The following PUS7 variants were observed in gnomAD, a reference collection of about 807,000 sequenced individuals.
PUS7 encodes the protein pseudouridylate synthase 7 homolog.
Under a neutral mutation model 79.8 loss-of-function variants are expected in PUS7, and 48 were observed. The ratio of observed to expected loss-of-function variants is 0.60; its 90% CI spans 0.48 to 0.76. The LOEUF (loss-of-function observed/expected upper bound fraction) is 0.76. PUS7 is among the 30% of genes least tolerant of loss of function. The probability of loss-of-function intolerance (pLI) is 0.00; values close to 1 mark genes in which losing one functional copy is unlikely to be tolerated. For missense variants in PUS7, 729 were observed against 797.6 expected (o/e 0.91, Z 1.04); for synonymous variants, 286 against 272.2 (o/e 1.05, Z -0.50).
At chr7:105,474,921 T>C (rs1824028309) in intron 9 of PUS7, among the ~76,000 whole-genome samples, 1 of 152,254 alleles carries the variant, frequency 6.6e-6, no homozygotes, top group East Asian at 1.9e-4. Flanking sequence ...CCATGGCTGC[T>C]TTTGCAGTGT....
At chr7:105,469,837 C>T (rs1172197178) in intron 11 of PUS7, among the ~76,000 whole-genome samples, 3 of 152,218 alleles carry the variant, frequency 2.0e-5, no homozygotes, top group Non-Finnish European at 4.4e-5. Context: ...AAGTGATCTG[C>T]CCACCTTGGC....
intron 7 of PUS7, among the ~76,000 whole-genome samples, chr7:105,488,392 C>T (rs931826880): frequency 3.3e-5 from 5 of 151,784 alleles, no homozygotes; most frequent in Admixed American, 1.3e-4. Flanking sequence ...GATAATTAGG[C>T]TTTGCTATTA....
intron 5 of PUS7, among the ~76,000 whole-genome samples, chr7:105,501,886 C>T (rs901165383): frequency 4.0e-5 from 6 of 148,802 alleles, no homozygotes; most frequent in African/African-American, 1.2e-4. Context: ...ACCCAGGAGG[C>T]GGAGCTTGCA....
At chr7:105,518,395 CTT>C (rs973571987) in intron 1 of PUS7, among the ~76,000 whole-genome samples, 1 of 151,786 alleles carries the variant, frequency 6.6e-6, no homozygotes, top group Admixed American at 6.6e-5. Flanking sequence ...ACAACAGTCT[CTT>C]GTTTGTTTAT....
chr7:105,507,817 C>G (rs1327947732), intron 2 of PUS7, among the ~76,000 whole-genome samples: 1 of 152,202 alleles, frequency 6.6e-6, no homozygotes, highest in African/African-American at 2.4e-5. Context: ...GCTGGGATAA[C>G]AGGCGTAAGC....
chr7:105,493,496 T>C (rs1824880954), intron 6 of PUS7, among the ~76,000 whole-genome samples: 1 of 152,190 alleles, frequency 6.6e-6, no homozygotes, highest in African/African-American at 2.4e-5. Context: ...AAATAAATGT[T>C]ACTTAATTGG....
intron 14 of PUS7, among the ~76,000 whole-genome samples, chr7:105,461,294 T>C (rs1416241486): frequency 6.6e-6 from 1 of 152,230 alleles, no homozygotes; most frequent in Non-Finnish European, 1.5e-5. Context: ...GGAAAAAAGT[T>C]CACTCTACAC....
chr7:105,478,973 AAATT>A (rs201638886), intron 9 of PUS7, among the ~76,000 whole-genome samples: 2,769 of 152,314 alleles, frequency 0.018, 28 homozygotes, highest in Middle Eastern at 0.031. Flanking sequence ...TCCTTCTGCC[AAATT>A]AATTACAAAT....
intron 15 of PUS7, among the ~76,000 whole-genome samples, chr7:105,458,684 T>C (rs1823291289): frequency 6.6e-6 from 1 of 151,500 alleles, no homozygotes; most frequent in Non-Finnish European, 1.5e-5. Flanking sequence ...ACCATTCTCC[T>C]GCCTCAGCCT....
intron 13 of PUS7, among the ~76,000 whole-genome samples, chr7:105,464,448 G>C (rs990166141): frequency 6.6e-6 from 1 of 152,172 alleles, no homozygotes; most frequent in Non-Finnish European, 1.5e-5. Flanking sequence ...GGGAAGATCT[G>C]CCCTCAAGGT....
intron 9 of PUS7, among the ~76,000 whole-genome samples, chr7:105,475,333 G>C (rs10243673): frequency 0.33 from 49,699 of 151,722 alleles, 8,937 homozygotes; most frequent in African/African-American, 0.48. Context: ...CTACAGGCGC[G>C]CGCCACCACG....
At chr7:105,510,075 C>T (rs1156456792) in intron 1 of PUS7, among the ~76,000 whole-genome samples, 1 of 152,100 alleles carries the variant, frequency 6.6e-6, no homozygotes, top group Non-Finnish European at 1.5e-5. Flanking sequence ...CTGAGGCAGG[C>T]AGATCACCTG....
intron 2 of PUS7, among the ~76,000 whole-genome samples, chr7:105,507,700 C>G (rs1042457429): frequency 6.6e-6 from 1 of 151,960 alleles, no homozygotes; most frequent in African/African-American, 2.4e-5. Context: ...CATCACCACG[C>G]CCAGCTAATT....
Position 105,522,234 on chromosome 7 carries a change from C to T in PUS7, c.-215G>A, listed in dbSNP as rs879439878. ...CAGCCGACTCACCGGCGGCCGGGCTCGCACACGTGCGGCGCAGCGACGCGC... is the reference window on the plus strand; with the variant it reads ...CAGCCGACTCACCGGCGGCCGGGCTTGCACACGTGCGGCGCAGCGACGCGC... On this transcript the variant is annotated 5_prime_UTR_variant, in exon 1 of 16. Transcript: ENST00000469408. 9 of 151,740 alleles carry T rather than the reference C, an allele frequency of 5.9e-5. No individual in the cohort carries two copies. Among genetic ancestry groups the T allele is most frequent in the African/African-American group, 1.7e-4 (7 of 41,364 alleles). The allele number at this position is 151,740 out of a possible 1,614,324, so 9.4% of individuals were successfully genotyped here.
In PUS7 at chr7:105,457,804, T is replaced by C. The variant is rs761716372; in HGVS notation, c.1972A>G (p.Thr658Ala). 6.2e-6 allele frequency: 10 copies of C among 1,614,020 alleles called. No individual in the cohort carries two copies. Among genetic ancestry groups the C allele is most frequent in the Middle Eastern group, 1.6e-4 (1 of 6,062 alleles). ...CAAGGTACTGCTCAGCGAAGCCAGG[T>C]TGTATTCAGCTGCGTCTGGTTCTTG... The part of the protein sequence containing the change: ...SIKNQTQLNT[T>A]WLR Residue 658 changes from threonine to alanine, a missense_variant, in exon 16 of 16, where the codon ACC (threonine) becomes GCC (alanine). Coordinates refer to ENST00000469408, the MANE Select transcript of PUS7 (RefSeq NM_019042.5).
In PUS7 at chr7:105,462,681, C is replaced by T. The variant is rs1161778270; in HGVS notation, c.1697G>A (p.Arg566Gln). Residue 566 changes from arginine (R) to glutamine (Q), a missense_variant, in exon 14 of 16, where the codon CGA becomes CAA. Coordinates refer to ENST00000469408, the MANE Select transcript of PUS7 (RefSeq NM_019042.5). The part of the protein sequence containing the change: ...LDIDNMRHKI[R>Q]DYSLSGAYRK... ...GTAGGCCCCTGACAAGGAATAATCT[C>T]GAATTTTGTGTCTCATGTTGTCAAT... is the stretch of plus-strand genomic sequence containing the variant. 2.5e-6 allele frequency: 4 copies of T among 1,613,742 alleles called. No individual in the cohort carries two copies. Among genetic ancestry groups the T allele is most frequent in the Non-Finnish European group, 3.4e-6 (4 of 1,179,860 alleles).
At position 105,467,503 on chromosome 7, in the gene PUS7, A is replaced by T. The variant is rs550632869; in HGVS notation, c.1525+834T>A. On this transcript the variant is annotated intron_variant, in intron 12 of 15. Transcript: ENST00000469408. The stretch of plus-strand genomic sequence containing the variant: ...ACGGCGTTTCACCGTGTTAGCCAGG[A>T]TGGTCTCGATCTCCTGACCTCGTGA... 5.9e-5 allele frequency among the ~76,000 whole-genome samples: 9 copies of T among 151,342 alleles called. No individual in the cohort carries two copies. The South Asian group carries it at 1.5e-3, about 25-fold the overall frequency.
chr7:105,496,220 T>TAGAGAGAGAGAG (rs1350234352), intron 5 of PUS7, among the ~76,000 whole-genome samples: 52 of 83,294 alleles, frequency 6.2e-4, no homozygotes, highest in Non-Finnish European at 8.3e-4. Flanking sequence ...TATATATATA[T>TAGAGAGAGAGAG]ATATATAGAG....
At chr7:105,492,322 T>C (rs1046355468) in intron 6 of PUS7, among the ~76,000 whole-genome samples, 2 of 151,254 alleles carry the variant, frequency 1.3e-5, no homozygotes, top group African/African-American at 2.4e-5. Flanking sequence ...GATGGCCAAA[T>C]AATTCTTCGC....
Sources: allele counts gnomAD v4.1 joint callset (sites outside exome capture counted in the v4.1 genomes callset), GRCh38; gene constraint gnomAD v4.1.1; transcripts MANE v1.5; gene names NCBI Gene and HGNC (gene_info 2026-07-23, HGNC 2026-07-21).